NOS1: variants seen among roughly 807,000 people sequenced by gnomAD.
The protein encoded by NOS1 is NOS type I.
Under a neutral mutation model 164.5 loss-of-function variants are expected in NOS1, and 51 were observed. That is an observed-to-expected ratio of 0.31 (90% CI 0.25 to 0.39). The LOEUF (loss-of-function observed/expected upper bound fraction) is 0.39, where lower values mean the gene tolerates loss of function less well. Among genes scored for constraint, NOS1 ranks in the 10% least tolerant of loss-of-function variants. The probability of loss-of-function intolerance (pLI) is 1.00; values close to 1 mark genes in which losing one functional copy is unlikely to be tolerated. For synonymous variants in NOS1, 719 were observed against 745.8 expected (o/e 0.96, Z 0.59); for missense variants, 1,362 against 1,885.6 (o/e 0.72, Z 5.14).
chr12:117,286,126 C>G lies in NOS1; in HGVS notation c.1268G>C (p.Arg423Thr). ...TACCTGCAGCTTGGACCACTGGATC[C>G]TGCCCACACAGCGCGAGGCATTCCG... ...AWRNASRCVG[R>T]IQWSKLQVFD... Residue 423 changes from arginine (R) to threonine (T), a missense_variant, in exon 6 of 29, where the codon AGG becomes ACG. Around this residue, in one of 4 missense-constraint regions of NOS1, gnomAD observed 129 missense variants for 186.0 expected, o/e 0.69. Coordinates refer to ENST00000317775, the MANE Select transcript of NOS1 (RefSeq NM_000620.5). 1 of 1,614,186 alleles carries G rather than the reference C, an allele frequency of 6.2e-7. No homozygotes were observed. Among genetic ancestry groups the G allele is most frequent in the Non-Finnish European group, 8.5e-7 (1 of 1,180,044 alleles).
At chr12:117,303,496 C>A (rs749460443) in intron 3 of NOS1, among the ~76,000 whole-genome samples, 2 of 152,134 alleles carry the variant, frequency 1.3e-5, no homozygotes, top group Non-Finnish European at 2.9e-5. Context: ...AGTGATCTCT[C>A]TATCTGATCA....
intron 6 of NOS1, 36 bp from the exon 7 acceptor site, chr12:117,285,368 C>T (rs377195850): frequency 6.9e-6 from 10 of 1,440,280 alleles, no homozygotes; most frequent in Non-Finnish European, 7.7e-6. Flanking sequence ...ATTGCCTCTT[C>T]TTTCCCTCCC....
Position 117,232,086 on chromosome 12 carries a change from G to A in NOS1, c.3281C>T (p.Thr1094Ile). Residue 1094 changes from threonine to isoleucine, a missense_variant, in exon 22 of 29, where the codon ACC (threonine) becomes ATC (isoleucine). This residue lies in a region of NOS1 where 737 missense variants were observed against 1,030.3 expected (regional missense o/e 0.72). Transcript: ENST00000317775. Reference protein sequence around the residue: ...WTDELRLPPCTIFQAFKYYLD... With the variant: ...WTDELRLPPCIIFQAFKYYLD... ...GTAGTACTTGAAGGCCTGGAAGATG[G>A]TGCAGGGCGGGAGGCGGAGCTCGTC... 6.2e-7 allele frequency: 1 copy of A among 1,612,220 alleles called. No homozygotes were observed. Among genetic ancestry groups the A allele is most frequent in the Non-Finnish European group, 8.5e-7 (1 of 1,179,984 alleles).
chr12:117,255,901 G>T, intron 16 of NOS1: 1 of 1,364,930 alleles, frequency 7.3e-7, no homozygotes, highest in Non-Finnish European at 9.8e-7. Context: ...GCATACACTC[G>T]CACACACCTG....
chr12:117,254,948 C>T (rs951215544), intron 16 of NOS1, among the ~76,000 whole-genome samples: 1 of 152,188 alleles, frequency 6.6e-6, no homozygotes, highest in Non-Finnish European at 1.5e-5. Flanking sequence ...CAATGTTCAG[C>T]ACTGACGCCT....
rs1164630635 is a variant in NOS1, at chr12:117,269,464, G to GTTT, written c.1840-1323_1840-1321dup. ...CAGGGGGCAGGATCTCTGGAGATTT[G>GTTT]TTTTTTTTTTTTTTTTTTTTTTAGA... On this transcript the variant is annotated intron_variant, in intron 10 of 28. Transcript: ENST00000317775. Among the ~76,000 whole-genome samples the GTTT allele has an allele frequency of 3.7e-3, 440 of 118,356 alleles. 32 individuals are homozygous for GTTT. Among genetic ancestry groups the GTTT allele is most frequent in the African/African-American group, 0.013 (347 of 27,430 alleles). 77.6% of individuals were successfully genotyped at this position (118,356 alleles called of 152,430 possible).
intron 25 of NOS1, among the ~76,000 whole-genome samples, chr12:117,224,222 C>T (rs1868437264): frequency 6.6e-6 from 1 of 152,160 alleles, no homozygotes; most frequent in African/African-American, 2.4e-5. Flanking sequence ...TGCTATGCCC[C>T]AACGCCTCCA....
At position 117,227,540 on chromosome 12, in the gene NOS1, C is replaced by G; in HGVS notation, c.3507G>C (p.Leu1169=). 1 of 1,613,052 alleles carries G rather than the reference C, an allele frequency of 6.2e-7. No individual in the cohort carries two copies. The highest frequency in any genetic ancestry group is 8.5e-7 in the Non-Finnish European group (1 of 1,179,480). Reference sequence around the variant, plus strand: ...GGGGCTGCAGCAGGGACAGCTGGGTCAGGAGCAGGGTGGCCGGCATCTGGA... The same window carrying G: ...GGGGCTGCAGCAGGGACAGCTGGGTGAGGAGCAGGGTGGCCGGCATCTGGA... ...PSIQMPATLL[L]TQLSLLQPRY... The change falls in exon 23 of 29, where the codon CTG becomes CTC. Residue 1169 remains leucine (L), a synonymous_variant. Coordinates refer to ENST00000317775, the MANE Select transcript of NOS1 (RefSeq NM_000620.5).
intron 2 of NOS1, among the ~76,000 whole-genome samples, chr12:117,327,696 G>A (rs1189930690): frequency 6.6e-6 from 1 of 152,212 alleles, no homozygotes; most frequent in Non-Finnish European, 1.5e-5. Context: ...AATGCTGTGT[G>A]TATTCGGTCC....
In NOS1 at chr12:117,272,580, C is replaced by A; in HGVS notation, c.1665-21G>T. 1.2e-6 allele frequency: 2 copies of A among 1,606,290 alleles called. No homozygotes were observed. The highest frequency in any genetic ancestry group is 1.7e-6 in the Non-Finnish European group (2 of 1,176,576). On this transcript the variant is annotated intron_variant, in intron 9 of 28. Transcript: ENST00000317775. The surrounding 1 kb of genome is among the most constrained non-coding windows in gnomAD (Gnocchi z 4.3). ...CAAACCTGCAGGGAGCAACAGGGCC[C>A]AGCTCACCCGGAGCAGGTGTCTCAT...
intron 9 of NOS1, among the ~76,000 whole-genome samples, chr12:117,277,387 C>T (rs1873273677): frequency 6.6e-6 from 1 of 151,836 alleles, no homozygotes; most frequent in Non-Finnish European, 1.5e-5. Flanking sequence ...GAGTCCAAGA[C>T]CAGCCTGGAC....
chr12:117,280,912 G>A lies in NOS1; in HGVS notation c.1383-46C>T, dbSNP rs767736551. On this transcript the variant is annotated intron_variant, in intron 7 of 28. Coordinates refer to ENST00000317775, the MANE Select transcript of NOS1 (RefSeq NM_000620.5). ...CACCCGGCATCAGGGCGGGACTTGCGCTGTGGGAACATACTAAACATGGCG... is the reference window on the plus strand; with the variant it reads ...CACCCGGCATCAGGGCGGGACTTGCACTGTGGGAACATACTAAACATGGCG... 1.3e-5 allele frequency: 21 copies of A among 1,599,474 alleles called. No homozygotes were observed. In the Admixed American group the frequency reaches 2.9e-4, roughly 22 times the overall value.
At chr12:117,293,900 C>T (rs1873228784) in intron 3 of NOS1, among the ~76,000 whole-genome samples, 1 of 152,016 alleles carries the variant, frequency 6.6e-6, no homozygotes, top group Admixed American at 6.6e-5. Context: ...TACAAACAAC[C>T]CCACTTTGTT....
chr12:117,330,631 G>A lies in NOS1; in HGVS notation c.439C>T (p.Leu147=). 1 of 1,611,782 alleles carries A rather than the reference G, an allele frequency of 6.2e-7. No homozygotes were observed. Among genetic ancestry groups the A allele is most frequent in the Non-Finnish European group, 8.5e-7 (1 of 1,178,394 alleles). Residue 147 remains leucine (L), a synonymous_variant, in exon 2 of 29, where the codon CTG becomes TTG. Coordinates refer to ENST00000317775, the MANE Select transcript of NOS1 (RefSeq NM_000620.5). This position sits in a 1 kb window ranked among gnomAD's most constrained non-coding sequence, Gnocchi z 4.6. ...GGACCCGAGGCCCCATCCACTGCCA[G>A]GGGCTGTTCTTTGCCGGCCGGTGGC... The part of the protein sequence containing the change: ...HQPPAGKEQP[L]AVDGASGPGN...
intron 28 of NOS1, among the ~76,000 whole-genome samples, chr12:117,215,869 C>CTTTTTTTT (rs34665031): frequency 4.7e-5 from 4 of 85,428 alleles, no homozygotes; most frequent in Non-Finnish European, 8.2e-5. Flanking sequence ...TTTAAAAGGA[C>CTTTTTTTT]TTTTTTTTTT....
Position 117,214,606 on chromosome 12 carries a change from A to C in NOS1, c.*703T>G. On this transcript the variant is annotated 3_prime_UTR_variant, in exon 29 of 29. Transcript: ENST00000317775. Reference sequence around the variant, plus strand: ...CTTTCATTGGGAGACAGCCCCTTTAATCAATTTCCCACTCCTCTCCCCATG... The same window carrying C: ...CTTTCATTGGGAGACAGCCCCTTTACTCAATTTCCCACTCCTCTCCCCATG... The C allele has an allele frequency of 1.0e-6, 1 of 985,378 alleles. No homozygotes were observed. Among genetic ancestry groups the C allele is most frequent in the Non-Finnish European group, 1.2e-6 (1 of 829,938 alleles). The allele number at this position is 985,378 out of a possible 1,614,324, so 61.0% of individuals were successfully genotyped here. A position where few individuals can be genotyped will look rare whatever the true frequency, so the allele number is the denominator to read the frequency against.
intron 11 of NOS1, among the ~76,000 whole-genome samples, chr12:117,265,853 C>T (rs574825093): frequency 2.0e-5 from 3 of 151,842 alleles, no homozygotes; most frequent in South Asian, 4.2e-4. Flanking sequence ...TGCAGTGGCG[C>T]GATCTTGGCT....
At chr12:117,224,478 G>T (rs968389631) in intron 25 of NOS1, among the ~76,000 whole-genome samples, 1 of 152,026 alleles carries the variant, frequency 6.6e-6, no homozygotes, top group Non-Finnish European at 1.5e-5. Context: ...GTAAAGACAG[G>T]GTTTCACCGT....
Position 117,311,815 on chromosome 12 carries a change from G to T in NOS1, c.726-223C>A, listed in dbSNP as rs138352140. ...CAATCACAAAGGGAGCTCATCCAAG[G>T]TGACCTTGACAGCTGATGTATCCCT... On this transcript the variant is annotated intron_variant, in intron 2 of 28. Transcript: ENST00000317775. Among the ~76,000 whole-genome samples the T allele has an allele frequency of 2.6e-5, 4 of 152,278 alleles. No individual in the cohort carries two copies. The East Asian group carries it at 7.7e-4, about 29-fold the overall frequency.
Sources: allele counts gnomAD v4.1 joint callset (sites outside exome capture counted in the v4.1 genomes callset), GRCh38; gene constraint gnomAD v4.1.1; regional missense constraint gnomAD v4.1.1; non-coding constraint Gnocchi (gnomAD v3.1); transcripts MANE v1.5; gene names NCBI Gene and HGNC (gene_info 2026-07-23, HGNC 2026-07-21).